MYH3: variants seen among roughly 807,000 people sequenced by gnomAD.
The protein encoded by MYH3 is myosin-3.
Under a neutral mutation model 238.0 loss-of-function variants are expected in MYH3, and 130 were observed. The ratio of observed to expected loss-of-function variants is 0.55; its 90% CI spans 0.47 to 0.63. The LOEUF is 0.63. MYH3 is among the 30% of genes least tolerant of loss of function. The pLI, the probability that MYH3 is intolerant of heterozygous loss-of-function variation, is 0.00. For missense variants in MYH3, 1,853 were observed against 2,374.9 expected (o/e 0.78, Z 4.57); for synonymous variants, 880 against 924.1 (o/e 0.95, Z 0.86).
At chr17:10,666,865 C>T in the MYH3 span, among the ~76,000 whole-genome samples, 5 of 151,952 alleles carry the variant, frequency 3.3e-5, no homozygotes, top group South Asian at 4.2e-4. Flanking sequence ...TTAGAAGTTA[C>T]GAAGAAAAAG....
At chr17:10,650,519 G>A in intron 5 of MYH3, 118 bp from the exon 6 acceptor site, 1 of 951,424 alleles carries the variant, frequency 1.1e-6, no homozygotes, top group Non-Finnish European at 1.7e-6. Context: ...TACATTTTTT[G>A]TTTAGCCTTT....
chr17:10,671,047 C>A, the MYH3 span, among the ~76,000 whole-genome samples: 1 of 152,082 alleles, frequency 6.6e-6, no homozygotes, highest in African/African-American at 2.4e-5. Context: ...CGCACCACCA[C>A]GCCCAGCTAA....
rs779115190 is a variant in MYH3, at chr17:10,642,926, A to G, written c.1481T>C (p.Met494Thr). 6 of 1,614,182 alleles carry G rather than the reference A, an allele frequency of 3.7e-6. No individual in the cohort carries two copies. The South Asian group carries it at 5.5e-5, about 15-fold the overall frequency. ...EKLQQFFNHH[M>T]FVLEQEEYKK... Reference sequence around the variant, plus strand: ...GTACTCCTCCTGCTCCAGCACGAACATGTGGTGGTTGAAAAACTGTTGCAG... The same window carrying G: ...GTACTCCTCCTGCTCCAGCACGAACGTGTGGTGGTTGAAAAACTGTTGCAG... The change falls in exon 15 of 41, where the codon ATG becomes ACG. Residue 494 changes from methionine to threonine, a missense_variant. Physicochemically the swap from Met to Thr is moderately conservative, Grantham distance 81. Transcript: ENST00000583535. This position sits in a 1 kb window ranked among gnomAD's most constrained non-coding sequence, Gnocchi z 5.4.
the MYH3 span, chr17:10,674,785 C>T: frequency 6.6e-6 from 1 of 152,330 alleles, no homozygotes; most frequent in Admixed American, 6.5e-5. Flanking sequence ...AGAGCTCAGC[C>T]TTGGCCCCTT....
In MYH3 at chr17:10,634,162, T is replaced by G. The variant is rs1283051851; in HGVS notation, c.4377A>C (p.Thr1459=). ...GCTCTGCTTGGCTCTCCTCACACTT[T>G]GTCTTCCACTCTGCCAACACCTGAA... ...NFDKVLAEWK[T]KCEESQAELE... Residue 1459 remains threonine, a synonymous_variant, in exon 32 of 41, where the codon ACA becomes ACC. Transcript: ENST00000583535. 1 of 1,614,226 alleles carries G rather than the reference T, an allele frequency of 6.2e-7. No homozygotes were observed. The highest frequency in any genetic ancestry group is 1.6e-4 in the Middle Eastern group (1 of 6,062).
chr17:10,659,560 G>C (rs978347823), upstream of MYH3, among the ~76,000 whole-genome samples: 1 of 152,178 alleles, frequency 6.6e-6, no homozygotes, highest in African/African-American at 2.4e-5. Flanking sequence ...AGAACTTCCA[G>C]AGTGCTCCAC....
the MYH3 span, among the ~76,000 whole-genome samples, chr17:10,664,892 G>A: frequency 6.6e-6 from 1 of 152,142 alleles, no homozygotes; most frequent in Non-Finnish European, 1.5e-5. Context: ...AGGGGATTTG[G>A]AGAAAGGAAT....
At chr17:10,662,814 C>T in the MYH3 span, among the ~76,000 whole-genome samples, 2 of 152,130 alleles carry the variant, frequency 1.3e-5, no homozygotes, top group Admixed American at 6.6e-5. Flanking sequence ...GGGCTGAGTG[C>T]AGTGGCTGAC....
intron 1 of MYH3, among the ~76,000 whole-genome samples, chr17:10,657,016 C>G (rs540747534): frequency 6.6e-6 from 1 of 152,234 alleles, no homozygotes; most frequent in Admixed American, 6.5e-5. Flanking sequence ...CAAGAGGACA[C>G]TTGGAGAGGA....
At chr17:10,673,814 G>A in the MYH3 span, 5 of 152,152 alleles carry the variant, frequency 3.3e-5, no homozygotes, top group African/African-American at 1.2e-4. Flanking sequence ...ATGGAGAAAC[G>A]CTTGGTATAC....
upstream of MYH3, among the ~76,000 whole-genome samples, chr17:10,657,545 G>A (rs940717925): frequency 1.3e-5 from 2 of 152,146 alleles, no homozygotes; most frequent in African/African-American, 2.4e-5. Context: ...ACTTGGGGCC[G>A]GTGCTCCCTC....
chr17:10,648,397 T>C (rs2074344102), intron 8 of MYH3, among the ~76,000 whole-genome samples, 160 bp downstream of exon 8: 1 of 152,238 alleles, frequency 6.6e-6, no homozygotes. Flanking sequence ...ACGCTGTTCA[T>C]TGAACTTGGT....
intron 2 of MYH3, among the ~76,000 whole-genome samples, chr17:10,655,708 G>A (rs1380502493): frequency 6.6e-6 from 1 of 151,972 alleles, no homozygotes; most frequent in Non-Finnish European, 1.5e-5. Context: ...CTGGAGTGCA[G>A]TGGCACGATC....
rs761123152 is a variant in MYH3 at position 10,652,518 on chromosome 17, T to TG, written c.249dup (p.Lys84GlnfsTer16). On this transcript the variant is annotated frameshift_variant, in exon 4 of 41. Transcript: ENST00000583535. LOFTEE classifies it high-confidence loss of function. Reference sequence around the variant, plus strand: ...GCCATGTCTTCGATCCTGTCGAACTTGGGGGGGTTCATGGCGTACACATCC... The same window carrying TG: ...GCCATGTCTTCGATCCTGTCGAACTTGGGGGGGGTTCATGGCGTACACATCC... 7 of 1,611,840 alleles carry TG rather than the reference T, an allele frequency of 4.3e-6. No individual in the cohort carries two copies. The highest frequency in any genetic ancestry group is 1.1e-5 in the South Asian group (1 of 91,030).
At chr17:10,661,289 TAAAAAAAAAAAA>T (rs34393718), upstream of MYH3, among the ~76,000 whole-genome samples, 15 of 49,692 alleles carry the variant, frequency 3.0e-4, no homozygotes, top group African/African-American at 1.1e-3. Context: ...AGACTCCATC[TAAAAAAAAAAAA>T]AAAAAAAAAA....
rs1454851373 is a variant in MYH3, at chr17:10,642,150, T to C, written c.1959+90A>G. 3 of 1,221,216 alleles carry C rather than the reference T, an allele frequency of 2.5e-6. No individual in the cohort carries two copies. The highest frequency in any genetic ancestry group is 3.0e-5 in the African/African-American group (2 of 66,882). The allele number at this position is 1,221,216 out of a possible 1,614,324, so 75.6% of individuals were successfully genotyped here. On this transcript the variant is annotated intron_variant, in intron 17 of 40. Coordinates refer to ENST00000583535, the MANE Select transcript of MYH3 (RefSeq NM_002470.4). The surrounding 1 kb of genome is among the most constrained non-coding windows in gnomAD (Gnocchi z 5.4). ...AATCAGATTAAGACAACACTACTACTCTCAAATAAATCAAGCTTAGAATCT... is the reference window on the plus strand; with the variant it reads ...AATCAGATTAAGACAACACTACTACCCTCAAATAAATCAAGCTTAGAATCT...
In MYH3 at chr17:10,629,626, C is replaced by T. The variant is rs1478130032; in HGVS notation, c.5767G>A (p.Ala1923Thr). 6 of 1,613,728 alleles carry T rather than the reference C, an allele frequency of 3.7e-6. No homozygotes were observed. The highest frequency in any genetic ancestry group is 2.2e-5 in the South Asian group (2 of 91,066). The change falls in exon 40 of 41, where the codon GCT becomes ACT. Residue 1923 changes from alanine (A) to threonine (T), a missense_variant. Transcript: ENST00000583535. ...CTGGAGGTGAAGTCTCGAGTCTTAG[C>T]GCGGAGCTTGTTGACTTGAGATTCT... The part of the protein sequence containing the change: ...IAESQVNKLR[A>T]KTRDFTSSRM...
upstream of MYH3, among the ~76,000 whole-genome samples, chr17:10,660,703 G>A (rs1490896488): frequency 2.0e-5 from 3 of 147,458 alleles, no homozygotes; most frequent in Admixed American, 6.8e-5. Context: ...CTATCCAGCC[G>A]GGCATGGTGG....
In MYH3 at chr17:10,648,739, G is replaced by A. The variant is rs1302257976; in HGVS notation, c.643-90C>T. On this transcript the variant is annotated intron_variant, in intron 7 of 40. Transcript: ENST00000583535. Reference sequence around the variant, plus strand: ...TGCCCAGGCTGCAGTGCAATGGCACGATCTTGGCTTACTGCAACCTCCACC... The same window carrying A: ...TGCCCAGGCTGCAGTGCAATGGCACAATCTTGGCTTACTGCAACCTCCACC... The A allele has an allele frequency of 6.9e-6, 8 of 1,154,154 alleles. No individual in the cohort carries two copies. In the East Asian group the frequency reaches 1.4e-4, roughly 21 times the overall value. 71.5% of individuals were successfully genotyped at this position (1,154,154 alleles called of 1,614,324 possible).
Sources: gnomAD v4.1 joint callset for allele counts (sites outside exome capture counted in the v4.1 genomes callset) on GRCh38, gnomAD v4.1.1 for gene constraint, Gnocchi (gnomAD v3.1) non-coding constraint, MANE v1.5 for transcripts, NCBI Gene and HGNC (gene_info 2026-07-23, HGNC 2026-07-21) for gene names.